The following ANO3 variants were observed in gnomAD, a reference collection of about 807,000 sequenced individuals.
The protein encoded by ANO3 is anoctamin 3.
In ANO3, 99 loss-of-function variants were observed where a neutral mutation model predicts 144.8. The ratio of observed to expected loss-of-function variants is 0.68; its 90% CI spans 0.58 to 0.81. The LOEUF (loss-of-function observed/expected upper bound fraction) is 0.81, where lower values mean the gene tolerates loss of function less well. ANO3 is among the 30% of genes least tolerant of loss of function. The pLI is 0.00. For synonymous variants in ANO3, 414 were observed against 392.6 expected (o/e 1.05, Z -0.64); for missense variants, 905 against 1,202.2 (o/e 0.75, Z 3.66).
At chr11:26,416,544 A>C (rs899439173) in intron 1 of ANO3, among the ~76,000 whole-genome samples, 7 of 151,816 alleles carry the variant, frequency 4.6e-5, no homozygotes, top group Admixed American at 4.6e-4. Flanking sequence ...CCCCTGCATC[A>C]ACCTCCCGAG....
intron 1 of ANO3, among the ~76,000 whole-genome samples, chr11:26,236,189 A>G (rs1050469805): frequency 2.0e-5 from 3 of 152,126 alleles, no homozygotes; most frequent in Non-Finnish European, 4.4e-5. Context: ...TCAAAATTTC[A>G]TATCTATAAA....
intron 4 of ANO3, among the ~76,000 whole-genome samples, chr11:26,484,142 A>G (rs964199273): frequency 6.6e-6 from 1 of 152,202 alleles, no homozygotes; most frequent in Non-Finnish European, 1.5e-5. Context: ...AAGAGATCAC[A>G]TGGAACTGGA....
intron 1 of ANO3, among the ~76,000 whole-genome samples, chr11:26,398,672 A>T (rs138359518): frequency 8.5e-5 from 13 of 152,188 alleles, no homozygotes; most frequent in African/African-American, 2.9e-4. Context: ...CATAAAGGTA[A>T]ATGAAATGTA....
At chr11:26,406,676 AGTGTGTGTGTGTGTGTGTGTGT>A (rs72102663) in intron 1 of ANO3, among the ~76,000 whole-genome samples, 5 of 119,338 alleles carry the variant, frequency 4.2e-5, no homozygotes, top group South Asian at 3.4e-4. Flanking sequence ...AATCTATGGC[AGTGTGTGTGTGTGTGTGTGTGT>A]GTGTGTGTGT....
chr11:26,357,317 G>A (rs1855808000), intron 1 of ANO3, among the ~76,000 whole-genome samples: 1 of 152,058 alleles, frequency 6.6e-6, no homozygotes, highest in Non-Finnish European at 1.5e-5. Flanking sequence ...TTTCAACATG[G>A]TTTTCTCAAT....
intron 13 of ANO3, 55 bp from the exon 14 acceptor site, chr11:26,559,664 C>T (rs140036032): frequency 4.0e-5 from 52 of 1,298,156 alleles, no homozygotes; most frequent in Non-Finnish European, 5.6e-5. Flanking sequence ...ACAGTATTCA[C>T]TGGCTTATTA....
At chr11:26,531,440 CA>C in intron 8 of ANO3, 104 bp downstream of exon 8, 1 of 1,301,776 alleles carries the variant, frequency 7.7e-7, no homozygotes, top group Non-Finnish European at 1.0e-6. Flanking sequence ...CCAAATACGT[CA>C]GAGAACTTAT....
intron 11 of ANO3, among the ~76,000 whole-genome samples, chr11:26,542,848 T>A (rs379105): frequency 0.66 from 99,997 of 151,790 alleles, 33,225 homozygotes; most frequent in East Asian, 0.83. Context: ...ATTTATAGAA[T>A]GAAAGAAAAA....
chr11:26,447,365 T>C (rs1184891467), intron 3 of ANO3, among the ~76,000 whole-genome samples: 1 of 152,206 alleles, frequency 6.6e-6, no homozygotes, highest in Non-Finnish European at 1.5e-5. Context: ...AGGTAGCACT[T>C]TTTTACAGAT....
rs764254329 is a variant in ANO3, at chr11:26,642,035, GA to G, written c.2275+14del. On this transcript the variant is annotated splice_region_variant and intron_variant, in intron 22 of 26. Coordinates refer to ENST00000256737, the MANE Select transcript of ANO3 (RefSeq NM_031418.4). ...GGATGAGTACTTAGAAATGGGTAAGGAAAAAAAATCTGCAGGACTATTTGGC... is the reference window on the plus strand; with the variant it reads ...GGATGAGTACTTAGAAATGGGTAAGGAAAAAAATCTGCAGGACTATTTGGC... 27 of 1,603,694 alleles carry G rather than the reference GA, an allele frequency of 1.7e-5. No individual in the cohort carries two copies. Among genetic ancestry groups the G allele is most frequent in the Non-Finnish European group, 2.1e-5 (25 of 1,176,270 alleles).
intron 17 of ANO3, among the ~76,000 whole-genome samples, chr11:26,607,973 T>C (rs1335857827): frequency 2.0e-5 from 3 of 152,250 alleles, no homozygotes; most frequent in Non-Finnish European, 4.4e-5. Flanking sequence ...TCTGTGCCCT[T>C]GCCGGAGAGG....
At chr11:26,443,357 T>C (rs1426188379) in intron 2 of ANO3, among the ~76,000 whole-genome samples, 1 of 152,078 alleles carries the variant, frequency 6.6e-6, no homozygotes, top group Non-Finnish European at 1.5e-5. Flanking sequence ...ATCCCAGCAC[T>C]TTGGGAGGCC....
At chr11:26,611,805 T>C (rs150306693) in intron 17 of ANO3, among the ~76,000 whole-genome samples, 111 of 152,304 alleles carry the variant, frequency 7.3e-4, no homozygotes, top group African/African-American at 2.6e-3. Flanking sequence ...TAGGTACATA[T>C]ATATTTCCAA....
chr11:26,657,276 G>A (rs2133098330), intron 26 of ANO3, among the ~76,000 whole-genome samples: 1 of 152,178 alleles, frequency 6.6e-6, no homozygotes, highest in African/African-American at 2.4e-5. Flanking sequence ...TTTTAGTGAA[G>A]TATCCTTCAT....
At chr11:26,470,474 A>C (rs756791248) in intron 4 of ANO3, among the ~76,000 whole-genome samples, 7 of 151,816 alleles carry the variant, frequency 4.6e-5, no homozygotes, top group Non-Finnish European at 8.8e-5. Flanking sequence ...CTGTTTAAGA[A>C]TGTTTCTCAC....
intron 1 of ANO3, among the ~76,000 whole-genome samples, chr11:26,253,676 G>C (rs1311746240): frequency 1.3e-5 from 2 of 152,104 alleles, no homozygotes; most frequent in African/African-American, 2.4e-5. Context: ...TTTGTAGATA[G>C]AGAAGTTGAA....
At chr11:26,459,575 A>G (rs1859300865) in intron 3 of ANO3, among the ~76,000 whole-genome samples, 1 of 151,970 alleles carries the variant, frequency 6.6e-6, no homozygotes, top group Non-Finnish European at 1.5e-5. Context: ...CAAGACAACA[A>G]AAGTGGGAAA....
At chr11:26,407,268 T>C (rs1857313916) in intron 1 of ANO3, among the ~76,000 whole-genome samples, 1 of 151,456 alleles carries the variant, frequency 6.6e-6, no homozygotes, top group African/African-American at 2.4e-5. Flanking sequence ...TCTATTACTT[T>C]GAGTGCTCAG....
intron 1 of ANO3, among the ~76,000 whole-genome samples, chr11:26,300,334 C>A (rs891316122): frequency 3.3e-5 from 5 of 151,938 alleles, no homozygotes; most frequent in African/African-American, 4.8e-5. Context: ...TTTTGTTTTC[C>A]TTTTGGCTCC....
Sources: allele counts gnomAD v4.1 joint callset (sites outside exome capture counted in the v4.1 genomes callset), GRCh38; gene constraint gnomAD v4.1.1; transcripts MANE v1.5; gene names NCBI Gene and HGNC (gene_info 2026-07-23, HGNC 2026-07-21).